AK5: variants seen among roughly 807,000 people sequenced by gnomAD.
The protein encoded by AK5 is adenylate kinase 5, also known as adenylate kinase isoenzyme 5.
In AK5, 27 loss-of-function variants were observed where a neutral mutation model predicts 69.5. The observed-to-expected ratio is 0.39, with a 90% CI of 0.29 to 0.54. The LOEUF (loss-of-function observed/expected upper bound fraction) is 0.54. Ranked by LOEUF, AK5 falls within the 20% of genes least tolerant of loss-of-function variation. The probability of loss-of-function intolerance (pLI) is 0.71; values close to 1 mark genes in which losing one functional copy is unlikely to be tolerated. For missense variants in AK5, 531 were observed against 700.4 expected (o/e 0.76, Z 2.73); for synonymous variants, 260 against 244.4 (o/e 1.06, Z -0.60).
intron 13 of AK5, among the ~76,000 whole-genome samples, chr1:77,554,117 C>T (rs540093218): frequency 3.9e-5 from 6 of 152,252 alleles, no homozygotes; most frequent in Admixed American, 1.3e-4. Flanking sequence ...TATGGCGACA[C>T]CTCATTCCAA....
At chr1:77,394,491 A>G (rs754755241) in intron 6 of AK5, among the ~76,000 whole-genome samples, 24 of 152,118 alleles carry the variant, frequency 1.6e-4, no homozygotes, top group Non-Finnish European at 3.2e-4. Flanking sequence ...GTAGTTCTCT[A>G]TACAGCTCTG....
At chr1:77,521,747 T>C (rs41292268) in intron 11 of AK5, 80 bp from the exon 12 acceptor site, 604 of 1,031,574 alleles carry the variant, frequency 5.9e-4, no homozygotes, top group Non-Finnish European at 8.3e-4. Context: ...CCTCCCTCAG[T>C]GGATGACTGA....
At chr1:77,413,790 T>A (rs1470216247) in intron 7 of AK5, among the ~76,000 whole-genome samples, 1 of 152,122 alleles carries the variant, frequency 6.6e-6, no homozygotes, top group Middle Eastern at 3.2e-3. Context: ...TTTTCCTGGA[T>A]CTACTTCTTC....
intron 10 of AK5, among the ~76,000 whole-genome samples, chr1:77,490,941 T>C (rs931558337): frequency 6.6e-6 from 1 of 152,150 alleles, no homozygotes; most frequent in East Asian, 1.9e-4. Flanking sequence ...GTAGAAGTGC[T>C]CCAATTTGGG....
chr1:77,383,385 A>T (rs1647785675), intron 6 of AK5, among the ~76,000 whole-genome samples: 1 of 152,192 alleles, frequency 6.6e-6, no homozygotes. Flanking sequence ...AAAGACAAAG[A>T]TTACCATTTG....
intron 5 of AK5, among the ~76,000 whole-genome samples, chr1:77,332,217 T>G (rs1265390109): frequency 6.6e-6 from 1 of 152,134 alleles, no homozygotes; most frequent in Non-Finnish European, 1.5e-5. Flanking sequence ...TTATTTTTAT[T>G]TGCAATATTA....
chr1:77,290,226 T>C (rs1365037693), intron 2 of AK5, among the ~76,000 whole-genome samples: 1 of 152,198 alleles, frequency 6.6e-6, no homozygotes, highest in Non-Finnish European at 1.5e-5. Context: ...AACTGGTTGG[T>C]CCTGTAATAA....
intron 7 of AK5, among the ~76,000 whole-genome samples, chr1:77,411,858 G>A (rs1650068444): frequency 6.6e-6 from 1 of 152,100 alleles, no homozygotes; most frequent in Admixed American, 6.5e-5. Context: ...GAATTACAAG[G>A]GTAAGGTGGT....
intron 6 of AK5, among the ~76,000 whole-genome samples, chr1:77,383,244 A>T (rs189940665): frequency 2.0e-5 from 3 of 152,308 alleles, no homozygotes; most frequent in African/African-American, 7.2e-5. Context: ...ACTATACTTA[A>T]CAAAAATATA....
At chr1:77,340,962 A>G (rs1420724043) in intron 6 of AK5, 1 of 158,980 alleles carries the variant, frequency 6.3e-6, no homozygotes, top group Admixed American at 6.2e-5. Context: ...ATGTGGGGTT[A>G]TAATAGATTT....
chr1:77,540,795 G>C (rs965067758), intron 13 of AK5: 2 of 152,208 alleles, frequency 1.3e-5, no homozygotes, highest in Admixed American at 6.5e-5. Context: ...ACACATACTT[G>C]CTTTATAAAA....
intron 8 of AK5, among the ~76,000 whole-genome samples, chr1:77,469,705 T>G (rs1654347733): frequency 6.6e-6 from 1 of 152,248 alleles, no homozygotes; most frequent in Non-Finnish European, 1.5e-5. Context: ...GTGCTCCATA[T>G]GGTCCCTCAT....
intron 13 of AK5, among the ~76,000 whole-genome samples, chr1:77,557,931 T>G (rs1339686937): frequency 6.7e-6 from 1 of 149,782 alleles, no homozygotes; most frequent in Non-Finnish European, 1.5e-5. Context: ...ATCATTGATC[T>G]TTTTAAACCT....
intron 12 of AK5, among the ~76,000 whole-genome samples, chr1:77,534,785 A>G (rs1658863583): frequency 6.6e-6 from 1 of 152,250 alleles, no homozygotes; most frequent in African/African-American, 2.4e-5. Context: ...TAATTATGCC[A>G]TGAATAGCCA....
At chr1:77,370,850 A>G (rs1459316036) in intron 6 of AK5, among the ~76,000 whole-genome samples, 3 of 152,202 alleles carry the variant, frequency 2.0e-5, no homozygotes, top group African/African-American at 7.2e-5. Flanking sequence ...CATAGCTTCC[A>G]GACAGGCCAG....
At chr1:77,493,971 A>G (rs1038694822) in intron 10 of AK5, among the ~76,000 whole-genome samples, 6 of 152,248 alleles carry the variant, frequency 3.9e-5, no homozygotes, top group African/African-American at 1.4e-4. Context: ...AAGCAAATTA[A>G]TAAGCCTTTA....
intron 10 of AK5, among the ~76,000 whole-genome samples, chr1:77,502,010 G>A (rs1215917366): frequency 6.6e-6 from 1 of 152,192 alleles, no homozygotes; most frequent in East Asian, 1.9e-4. Context: ...TAACTATCTA[G>A]TCTTGACTTC....
intron 8 of AK5, among the ~76,000 whole-genome samples, chr1:77,429,590 T>G (rs1205024501): frequency 1.3e-5 from 2 of 152,178 alleles, no homozygotes; most frequent in African/African-American, 4.8e-5. Context: ...GAAATAAAGT[T>G]AAAACTGTGA....
At chr1:77,291,954 A>G (rs1658711941) in intron 2 of AK5, among the ~76,000 whole-genome samples, 1 of 152,232 alleles carries the variant, frequency 6.6e-6, no homozygotes, top group Non-Finnish European at 1.5e-5. Flanking sequence ...TGTCAATGAC[A>G]AGAAGCAGTC....
Sources: allele counts gnomAD v4.1 joint callset (sites outside exome capture counted in the v4.1 genomes callset), GRCh38; gene constraint gnomAD v4.1.1; transcripts MANE v1.5; gene names NCBI Gene and HGNC (gene_info 2026-07-23, HGNC 2026-07-21).